Variants in RORA observed in about 807,000 individuals in gnomAD.
The protein encoded by RORA is RAR related orphan receptor A, also known as nuclear receptor ROR-alpha.
RORA carries 7 observed loss-of-function variants against 69.5 expected under a neutral mutation model. The ratio of observed to expected loss-of-function variants is 0.10; its 90% CI spans 0.06 to 0.19. RORA has a LOEUF of 0.19. Among genes scored for constraint, RORA ranks in the 10% least tolerant of loss-of-function variants. The pLI is 1.00. For synonymous variants in RORA, 261 were observed against 240.8 expected (o/e 1.08, Z -0.78); for missense variants, 457 against 663.0 (o/e 0.69, Z 3.41).
chr15:61,007,432 A>G (rs928147088), intron 1 of RORA, among the ~76,000 whole-genome samples: 4 of 152,144 alleles, frequency 2.6e-5, no homozygotes, highest in Non-Finnish European at 5.9e-5. Context: ...ATAAAGAACC[A>G]TCCATCTCAT....
chr15:61,076,037 C>A (rs576187004), intron 1 of RORA, among the ~76,000 whole-genome samples: 10 of 152,326 alleles, frequency 6.6e-5, no homozygotes, highest in Non-Finnish European at 1.3e-4. Context: ...AGTCCCCGCC[C>A]TCTAGCCCTG....
At chr15:61,200,768 C>A (rs771386973) in intron 1 of RORA, among the ~76,000 whole-genome samples, 1 of 152,284 alleles carries the variant, frequency 6.6e-6, no homozygotes, top group South Asian at 2.1e-4. Flanking sequence ...GTGAAAAAAG[C>A]TGTCAGTCTA....
chr15:61,189,624 G>C (rs192624839), intron 1 of RORA, among the ~76,000 whole-genome samples: 1 of 152,026 alleles, frequency 6.6e-6, no homozygotes, highest in African/African-American at 2.4e-5. Flanking sequence ...TTGGGAGGCC[G>C]AGGTAGGCAG....
chr15:61,180,777 G>A (rs1280123436), intron 1 of RORA, among the ~76,000 whole-genome samples: 3 of 152,132 alleles, frequency 2.0e-5, no homozygotes, highest in Non-Finnish European at 4.4e-5. Context: ...CTAGCACACT[G>A]CCAAACATGG....
chr15:60,801,941 C>T (rs146539854), intron 1 of RORA, among the ~76,000 whole-genome samples: 20 of 152,252 alleles, frequency 1.3e-4, no homozygotes, highest in Middle Eastern at 3.4e-3. Flanking sequence ...ATTGCAACCA[C>T]GTTAGCTAGG....
At chr15:60,599,463 A>C (rs1218410555) in intron 2 of RORA, among the ~76,000 whole-genome samples, 1 of 152,228 alleles carries the variant, frequency 6.6e-6, no homozygotes, top group Admixed American at 6.5e-5. Context: ...AGGCAGGAGA[A>C]TCACTTGAAT....
intron 2 of RORA, among the ~76,000 whole-genome samples, chr15:60,671,497 C>CTA (rs2070471634): frequency 6.6e-6 from 1 of 152,028 alleles, no homozygotes; most frequent in Admixed American, 6.5e-5. Context: ...AGAAGGTTGG[C>CTA]TAGGCGCAGT....
At chr15:60,865,134 T>A (rs2073473737) in intron 1 of RORA, among the ~76,000 whole-genome samples, 2 of 152,210 alleles carry the variant, frequency 1.3e-5, no homozygotes, top group African/African-American at 4.8e-5. Flanking sequence ...TCCTTAGGGA[T>A]GAGGTAGAAA....
chr15:60,978,549 C>G (rs1322478767), intron 1 of RORA, among the ~76,000 whole-genome samples: 1 of 151,988 alleles, frequency 6.6e-6, no homozygotes, highest in Non-Finnish European at 1.5e-5. Context: ...CAATTTTTTT[C>G]TTTTATTGCT....
rs1436932378 is a variant in RORA, at chr15:61,218,629, C to A, written c.166+10424G>T. Reference sequence around the variant, plus strand: ...TCCACAGATGACCACTTTATCATTTCATCATTTTGGTATTCGTGGGTCCAA... The same window carrying A: ...TCCACAGATGACCACTTTATCATTTAATCATTTTGGTATTCGTGGGTCCAA... On this transcript the variant is annotated intron_variant, in intron 1 of 10. Transcript: ENST00000335670. 2.0e-5 allele frequency among the ~76,000 whole-genome samples: 3 copies of A among 150,434 alleles called. 1 individual carries two copies. The highest frequency in any genetic ancestry group is 2.1e-4 in the South Asian group (1 of 4,734).
At chr15:60,641,630 C>T (rs1450372992) in intron 2 of RORA, among the ~76,000 whole-genome samples, 1 of 151,966 alleles carries the variant, frequency 6.6e-6, no homozygotes, top group Non-Finnish European at 1.5e-5. Flanking sequence ...GGGCTGGTCT[C>T]GAACTCCTGA....
chr15:61,192,796 C>A (rs1422586495), intron 1 of RORA, among the ~76,000 whole-genome samples: 1 of 152,190 alleles, frequency 6.6e-6, no homozygotes, highest in Non-Finnish European at 1.5e-5. Context: ...CTCTGGTTGT[C>A]AGAGAGTTCC....
At chr15:61,100,414 C>T (rs909520134) in intron 1 of RORA, among the ~76,000 whole-genome samples, 6 of 152,168 alleles carry the variant, frequency 3.9e-5, no homozygotes, top group African/African-American at 9.7e-5. Flanking sequence ...CCAGCGGTGC[C>T]CGGCCTGAGC....
At chr15:60,828,676 T>C (rs2072998645) in intron 1 of RORA, among the ~76,000 whole-genome samples, 1 of 152,202 alleles carries the variant, frequency 6.6e-6, no homozygotes, top group South Asian at 2.1e-4. Context: ...GATATTTCTT[T>C]ATAACCTTCG....
At chr15:61,141,574 GA>G (rs1390048743) in intron 1 of RORA, among the ~76,000 whole-genome samples, 1 of 152,178 alleles carries the variant, frequency 6.6e-6, no homozygotes, top group East Asian at 1.9e-4. Flanking sequence ...AGAAACCTCA[GA>G]AAGACTTTAG....
Position 61,119,968 on chromosome 15 carries a change from T to A in RORA, c.166+109085A>T, listed in dbSNP as rs984945490. Among the ~76,000 whole-genome samples, 7 of 150,900 alleles carry A rather than the reference T, an allele frequency of 4.6e-5. No individual in the cohort carries two copies. The East Asian group carries it at 9.8e-4, about 21-fold the overall frequency. On this transcript the variant is annotated intron_variant, in intron 1 of 10. Transcript: ENST00000335670. ...TGGCAACAGGTGAGGCGGGGAGGAG[T>A]TTTGTGAAACAGAGATGATGGTAAA... is the stretch of plus-strand genomic sequence containing the variant.
intron 1 of RORA, among the ~76,000 whole-genome samples, chr15:60,850,934 C>T (rs2073317168): frequency 6.6e-6 from 1 of 152,260 alleles, no homozygotes; most frequent in Admixed American, 6.5e-5. Context: ...ACCAAAAAGC[C>T]TTATTTTGCC....
intron 1 of RORA, among the ~76,000 whole-genome samples, chr15:60,725,691 T>A (rs2613616): frequency 0.065 from 9,873 of 152,250 alleles, 771 homozygotes; most frequent in African/African-American, 0.19. Flanking sequence ...CCCCCTCCCA[T>A]GGAAATTTCT....
At chr15:60,642,198 T>C (rs2069956496) in intron 2 of RORA, among the ~76,000 whole-genome samples, 1 of 151,096 alleles carries the variant, frequency 6.6e-6, no homozygotes, top group African/African-American at 2.4e-5. Flanking sequence ...GTAAAGTGGA[T>C]CACATCCCAG....
Sources: allele counts gnomAD v4.1 joint callset (sites outside exome capture counted in the v4.1 genomes callset), GRCh38; gene constraint gnomAD v4.1.1; transcripts MANE v1.5; gene names NCBI Gene and HGNC (gene_info 2026-07-23, HGNC 2026-07-21).